The following PRDM1 variants were observed in gnomAD, a reference collection of about 807,000 sequenced individuals.
PRDM1 encodes the protein PR domain zinc finger protein 1.
Under a neutral mutation model 62.8 loss-of-function variants are expected in PRDM1, and 13 were observed. The observed-to-expected ratio is 0.21, with a 90% CI of 0.13 to 0.33. The LOEUF (loss-of-function observed/expected upper bound fraction) is 0.33, where lower values mean the gene tolerates loss of function less well. Among genes scored for constraint, PRDM1 ranks in the 10% least tolerant of loss-of-function variants. The pLI is 1.00. For missense variants in PRDM1, 895 were observed against 1,058.8 expected, an observed-to-expected ratio of 0.85 and a Z score of 2.15; for synonymous variants, 396 against 417.6, an observed-to-expected ratio of 0.95 and a Z score of 0.63.
At chr6:106,038,014 C>CTTTTTTTGTTTTTTTTTTTTT (rs1772945145) in intron 1 of PRDM1, among the ~76,000 whole-genome samples, 3 of 47,800 alleles carry the variant, frequency 6.3e-5, no homozygotes, top group Admixed American at 3.5e-4. Context: ...CTATTTTTGT[C>CTTTTTTTGTTTTTTTTTTTTT]TTTTTTTTTT....
chr6:106,018,818 C>T (rs1396450098), intron 1 of PRDM1, among the ~76,000 whole-genome samples: 1 of 151,854 alleles, frequency 6.6e-6, no homozygotes, highest in African/African-American at 2.4e-5. Flanking sequence ...TCAGGTTTCT[C>T]CAGAGAAAAA....
chr6:106,002,086 T>C (rs143311243), intron 1 of PRDM1, among the ~76,000 whole-genome samples: 299 of 152,200 alleles, frequency 2.0e-3, no homozygotes, highest in African/African-American at 6.6e-3. Flanking sequence ...AATTGGAGCT[T>C]GACTAAGCTG....
chr6:106,069,947 G>A (rs1773484492), intron 1 of PRDM1, among the ~76,000 whole-genome samples: 1 of 152,172 alleles, frequency 6.6e-6, no homozygotes, highest in African/African-American at 2.4e-5. Flanking sequence ...GAGAAAATTG[G>A]GAAATAGATT....
intron 1 of PRDM1, among the ~76,000 whole-genome samples, chr6:105,998,769 G>T (rs1324400863): frequency 1.3e-5 from 2 of 151,760 alleles, no homozygotes; most frequent in Non-Finnish European, 2.9e-5. Flanking sequence ...TTCATCAAAA[G>T]AAAACTATTT....
intron 1 of PRDM1, among the ~76,000 whole-genome samples, chr6:106,030,458 C>T (rs1772825613): frequency 6.6e-6 from 1 of 152,142 alleles, no homozygotes; most frequent in Non-Finnish European, 1.5e-5. Flanking sequence ...TAGCAGTGAG[C>T]CACCATACCC....
upstream of PRDM1, among the ~76,000 whole-genome samples, chr6:106,081,787 G>A (rs1435219523): frequency 6.6e-6 from 1 of 152,144 alleles, no homozygotes; most frequent in African/African-American, 2.4e-5. Context: ...TTAATATTCT[G>A]TGATTTCAGG....
chr6:106,048,829 A>AT (rs144697229), intron 1 of PRDM1, among the ~76,000 whole-genome samples: 58 of 145,880 alleles, frequency 4.0e-4, no homozygotes, highest in African/African-American at 5.7e-4. Context: ...AATGCCTTCC[A>AT]TTTTTTTTTT....
At chr6:106,096,462 T>C (rs1774121302) in intron 3 of PRDM1, among the ~76,000 whole-genome samples, 4 of 152,118 alleles carry the variant, frequency 2.6e-5, no homozygotes, top group African/African-American at 7.2e-5. Flanking sequence ...GACAAATGAA[T>C]TACCTTATAA....
chr6:106,079,605 G>A (rs946109430), intron 1 of PRDM1, among the ~76,000 whole-genome samples: 3 of 152,136 alleles, frequency 2.0e-5, no homozygotes, highest in Non-Finnish European at 2.9e-5. Flanking sequence ...CAAGACCAGC[G>A]TGGCCAACAT....
In PRDM1 at chr6:106,089,252, C is replaced by T. The variant is rs73772586; in HGVS notation, c.291+803C>T. On this transcript the variant is annotated intron_variant, in intron 2 of 6. Transcript: ENST00000369096. ...TTCAGAATTTGGCTTACTGTAGTTG[C>T]ACTTACTAGTCTACTACTGGGTTGA... is the stretch of plus-strand genomic sequence containing the variant. Among the ~76,000 whole-genome samples the T allele has an allele frequency of 5.0e-3, 758 of 152,318 alleles. 5 individuals are homozygous for T. The highest frequency in any genetic ancestry group is 0.017 in the African/African-American group (717 of 41,564).
chr6:106,051,876 G>T (rs1383025971), intron 1 of PRDM1, among the ~76,000 whole-genome samples: 1 of 152,122 alleles, frequency 6.6e-6, no homozygotes, highest in African/African-American at 2.4e-5. Flanking sequence ...GTAAATTGGA[G>T]AATCAGAATT....
chr6:106,099,461 T>C lies in PRDM1; in HGVS notation c.573T>C (p.Pro191=). Residue 191 remains proline, a synonymous_variant, in exon 4 of 7, where the codon CCT becomes CCC. Transcript: ENST00000369096. ...NIYFYTIKPI[P]ANQELLVWYC... ...ACTTCTACACCATTAAGCCCATCCC[T>C]GCCAACCAGGAACTTCTTGTGTGGT... The C allele has an allele frequency of 6.2e-7, 1 of 1,614,202 alleles. No individual in the cohort carries two copies. Among genetic ancestry groups the C allele is most frequent in the South Asian group, 1.1e-5 (1 of 91,088 alleles).
At chr6:106,011,261 T>C (rs1582424994) in intron 1 of PRDM1, among the ~76,000 whole-genome samples, 1 of 152,338 alleles carries the variant, frequency 6.6e-6, no homozygotes, top group African/African-American at 2.4e-5. Context: ...GAAGACTCTC[T>C]GAGGAACCTC....
At chr6:106,023,000 T>A (rs1337551827) in intron 1 of PRDM1, among the ~76,000 whole-genome samples, 1 of 152,268 alleles carries the variant, frequency 6.6e-6, no homozygotes, top group Non-Finnish European at 1.5e-5. Flanking sequence ...TTCTTCCTCC[T>A]GTGTTCTGAG....
Position 106,086,440 on chromosome 6 carries a change from G to A in PRDM1, c.-114G>A. ...GCCCGGAGCTGGGACGCGGGCGCCCGGGCGGCCGGACGAAGCGAGGAGGGA... is the reference window on the plus strand; with the variant it reads ...GCCCGGAGCTGGGACGCGGGCGCCCAGGCGGCCGGACGAAGCGAGGAGGGA... On this transcript the variant is annotated 5_prime_UTR_variant, in exon 1 of 7. Coordinates refer to ENST00000369096, the MANE Select transcript of PRDM1 (RefSeq NM_001198.4). 2 of 1,030,156 alleles carry A rather than the reference G, an allele frequency of 1.9e-6. No individual in the cohort carries two copies. Among genetic ancestry groups the A allele is most frequent in the East Asian group, 5.4e-5 (2 of 36,958 alleles). The allele number at this position is 1,030,156 out of a possible 1,614,324, so 63.8% of individuals were successfully genotyped here.
At chr6:106,092,447 G>A (rs369476338) in intron 2 of PRDM1, among the ~76,000 whole-genome samples, 48 of 152,162 alleles carry the variant, frequency 3.2e-4, no homozygotes, top group East Asian at 1.5e-3. Flanking sequence ...GGCACAGAGC[G>A]GCCTGTCCCC....
At chr6:106,042,452 G>A (rs942635226) in intron 1 of PRDM1, among the ~76,000 whole-genome samples, 1 of 151,716 alleles carries the variant, frequency 6.6e-6, no homozygotes, top group Non-Finnish European at 1.5e-5. Flanking sequence ...GCTTGAACCT[G>A]GGAGGTGGAG....
chr6:106,040,434 T>G (rs1316509826), intron 1 of PRDM1, among the ~76,000 whole-genome samples: 1 of 152,194 alleles, frequency 6.6e-6, no homozygotes, highest in African/African-American at 2.4e-5. Flanking sequence ...TGTATTTACC[T>G]TCTAGTAAAA....
At chr6:106,041,266 G>A (rs1378055754) in intron 1 of PRDM1, among the ~76,000 whole-genome samples, 1 of 152,044 alleles carries the variant, frequency 6.6e-6, no homozygotes, top group Non-Finnish European at 1.5e-5. Context: ...ATATCTCCCA[G>A]GCCCTACCTG....
Sources: gnomAD v4.1 joint callset for allele counts (sites outside exome capture counted in the v4.1 genomes callset) on GRCh38, gnomAD v4.1.1 for gene constraint, MANE v1.5 for transcripts, NCBI Gene and HGNC (gene_info 2026-07-23, HGNC 2026-07-21) for gene names.